The following AGAP1 variants were observed in gnomAD, a reference collection of about 807,000 sequenced individuals.
AGAP1 encodes the protein ArfGAP with GTPase domain, ankyrin repeat and PH domain 1, also known as arf-GAP with GTPase, ANK repeat and PH domain-containing protein 1.
A neutral mutation model predicts 105.3 loss-of-function variants in AGAP1; 29 were observed. The observed-to-expected ratio is 0.28, with a 90% CI of 0.21 to 0.38. The LOEUF (loss-of-function observed/expected upper bound fraction) is 0.38. AGAP1 is among the 10% of genes least tolerant of loss of function. The probability of loss-of-function intolerance (pLI) is 1.00; values close to 1 mark genes in which losing one functional copy is unlikely to be tolerated. For synonymous variants in AGAP1, 509 were observed against 485.9 expected (o/e 1.05, Z -0.63); for missense variants, 998 against 1,165.1 (o/e 0.86, Z 2.09).
intron 6 of AGAP1, among the ~76,000 whole-genome samples, chr2:235,767,374 G>T (rs548937126): frequency 6.6e-6 from 1 of 152,194 alleles, no homozygotes; most frequent in Non-Finnish European, 1.5e-5. Context: ...CAGGCTTCTC[G>T]TGCGCACCAG....
At chr2:235,829,279 G>A (rs13391170) in intron 9 of AGAP1, among the ~76,000 whole-genome samples, 3 of 152,288 alleles carry the variant, frequency 2.0e-5, no homozygotes, top group East Asian at 1.9e-4. Context: ...CACTGTGGCC[G>A]TTGTCAGAAT....
intron 9 of AGAP1, among the ~76,000 whole-genome samples, chr2:235,827,565 C>T (rs1029211041): frequency 6.6e-6 from 1 of 152,134 alleles, no homozygotes; most frequent in Non-Finnish European, 1.5e-5. Flanking sequence ...TTTAAAAGTT[C>T]CTTAGTGTGC....
At position 236,058,084 on chromosome 2, in the gene AGAP1, C is replaced by G. The variant is rs2058096395; in HGVS notation, c.2114+8803C>G. Among the ~76,000 whole-genome samples, 1 of 152,194 alleles carries G rather than the reference C, an allele frequency of 6.6e-6. No homozygotes were observed. On this transcript the variant is annotated intron_variant, in intron 16 of 17. Coordinates refer to ENST00000304032, the MANE Select transcript of AGAP1 (RefSeq NM_001037131.3). This position sits in a 1 kb window ranked among gnomAD's most constrained non-coding sequence, Gnocchi z 4.6. ...TTCTTGAGCCCCACCCAAGCCTACC[C>G]AGTCAGCATCCCTAGGGGGTAGGGT...
At chr2:235,710,810 T>G (rs1950817497) in intron 2 of AGAP1, among the ~76,000 whole-genome samples, 1 of 152,146 alleles carries the variant, frequency 6.6e-6, no homozygotes, top group Admixed American at 6.5e-5. Flanking sequence ...CCGCTGCCAC[T>G]CGGGTGCTGT....
At chr2:235,508,944 G>A (rs1941950609) in intron 1 of AGAP1, among the ~76,000 whole-genome samples, 1 of 152,230 alleles carries the variant, frequency 6.6e-6, no homozygotes, top group African/African-American at 2.4e-5. Flanking sequence ...CGGGCGGGAT[G>A]CCGAGTGTGT....
At position 235,667,959 on chromosome 2, in the gene AGAP1, C is replaced by CAAAAA. The variant is rs142657060; in HGVS notation, c.164-41199_164-41195dup. On this transcript the variant is annotated intron_variant, in intron 1 of 17. Transcript: ENST00000304032. The stretch of plus-strand genomic sequence containing the variant: ...GGCAAGAGCGAGTGAGCCTCTGTCT[C>CAAAAA]AAAAAAAAAAAAAAAAAAAAAAAAA... 4.5e-4 allele frequency among the ~76,000 whole-genome samples: 28 copies of CAAAAA among 61,954 alleles called. 1 individual carries two copies. Among genetic ancestry groups the CAAAAA allele is most frequent in the African/African-American group, 1.7e-3 (26 of 14,908 alleles). The allele number at this position is 61,954 out of a possible 152,430, so 40.6% of individuals were successfully genotyped here. A position where few individuals can be genotyped will look rare whatever the true frequency, so the allele number is the denominator to read the frequency against.
intron 8 of AGAP1, among the ~76,000 whole-genome samples, chr2:235,800,319 T>G (rs1439624951): frequency 2.6e-5 from 4 of 151,846 alleles, no homozygotes. Context: ...TAGGGTGGTC[T>G]TGAACTCCTG....
At chr2:235,946,108 TAA>T (rs67504072) in intron 12 of AGAP1, among the ~76,000 whole-genome samples, 15 of 146,362 alleles carry the variant, frequency 1.0e-4, no homozygotes, top group African/African-American at 3.4e-4. Context: ...TTCCCCTAAT[TAA>T]AAAAAAAAAT....
intron 1 of AGAP1, among the ~76,000 whole-genome samples, chr2:235,637,566 G>A (rs1437938042): frequency 6.6e-6 from 1 of 152,024 alleles, no homozygotes; most frequent in African/African-American, 2.4e-5. Context: ...ACAGGTATGA[G>A]CCACCGTGCT....
intron 10 of AGAP1, among the ~76,000 whole-genome samples, chr2:235,897,845 G>A (rs1464804876): frequency 6.6e-6 from 1 of 152,048 alleles, no homozygotes; most frequent in African/African-American, 2.4e-5. Flanking sequence ...ACCTGATTGC[G>A]GGCTTGTTGC....
intron 1 of AGAP1, among the ~76,000 whole-genome samples, chr2:235,503,370 C>A (rs781605008): frequency 6.6e-6 from 1 of 152,076 alleles, no homozygotes; most frequent in African/African-American, 2.4e-5. Context: ...GCCGGGATCG[C>A]GTATCTGCTC....
intron 1 of AGAP1, among the ~76,000 whole-genome samples, chr2:235,506,237 T>C (rs1223603726): frequency 6.6e-6 from 1 of 152,092 alleles, no homozygotes; most frequent in African/African-American, 2.4e-5. Context: ...GGCCCTGTTT[T>C]ATTTATTTAT....
At chr2:235,538,742 C>T (rs991893987) in intron 1 of AGAP1, among the ~76,000 whole-genome samples, 1 of 152,044 alleles carries the variant, frequency 6.6e-6, no homozygotes, top group African/African-American at 2.4e-5. Context: ...TTGAACTTTC[C>T]TTTTTGAGGA....
At chr2:236,100,606 G>C (rs13391852) in intron 16 of AGAP1, among the ~76,000 whole-genome samples, 26,656 of 151,992 alleles carry the variant, frequency 0.18, 4,936 homozygotes, top group African/African-American at 0.47. Flanking sequence ...GGGCAGATCA[G>C]TTGAGATCAG....
At chr2:235,806,417 A>G (rs985678670) in intron 8 of AGAP1, among the ~76,000 whole-genome samples, 1 of 152,184 alleles carries the variant, frequency 6.6e-6, no homozygotes, top group African/African-American at 2.4e-5. Context: ...TTCTCATGCC[A>G]TCGAGAGAGG....
chr2:235,495,806 G>A (rs994263281), intron 1 of AGAP1, among the ~76,000 whole-genome samples: 1 of 152,254 alleles, frequency 6.6e-6, no homozygotes, highest in Middle Eastern at 3.2e-3. Context: ...CGTGGACAGT[G>A]TGGAGTCATA....
chr2:235,821,987 C>T (rs1018576370), intron 9 of AGAP1, among the ~76,000 whole-genome samples: 6 of 152,196 alleles, frequency 3.9e-5, no homozygotes, highest in Admixed American at 3.9e-4. Flanking sequence ...AGCCTTGCAC[C>T]CTTCCTGGTG....
intron 1 of AGAP1, among the ~76,000 whole-genome samples, chr2:235,573,018 C>CT (rs1196693761): frequency 0.023 from 445 of 19,168 alleles, 61 homozygotes; most frequent in East Asian, 0.16. Flanking sequence ...TCTTCTTCTT[C>CT]TTCTTCTTCT....
chr2:235,575,781 G>A (rs1944711982), intron 1 of AGAP1, among the ~76,000 whole-genome samples: 1 of 152,152 alleles, frequency 6.6e-6, no homozygotes. Context: ...AGTAAATGGA[G>A]ATGTGTCTTT....
Sources: allele counts gnomAD v4.1 joint callset (sites outside exome capture counted in the v4.1 genomes callset), GRCh38; gene constraint gnomAD v4.1.1; non-coding constraint Gnocchi (gnomAD v3.1); transcripts MANE v1.5; gene names NCBI Gene and HGNC (gene_info 2026-07-23, HGNC 2026-07-21).